Variants in SEMA6D observed in about 807,000 individuals in gnomAD.
SEMA6D encodes the protein semaphorin-6D.
Under a neutral mutation model 106.6 loss-of-function variants are expected in SEMA6D, and 35 were observed. That is an observed-to-expected ratio of 0.33 (90% CI 0.25 to 0.44). The LOEUF (loss-of-function observed/expected upper bound fraction) is 0.44, where lower values mean the gene tolerates loss of function less well. SEMA6D is among the 20% of genes least tolerant of loss of function. SEMA6D has a pLI of 1.00. For synonymous variants in SEMA6D, 499 were observed against 487.7 expected, an observed-to-expected ratio of 1.02 and a Z score of -0.31; for missense variants, 1,185 against 1,345.9, an observed-to-expected ratio of 0.88 and a Z score of 1.87.
At chr15:47,282,407 GAATA>G (rs2035167610) in intron 1 of SEMA6D, among the ~76,000 whole-genome samples, 1 of 152,244 alleles carries the variant, frequency 6.6e-6, no homozygotes, top group East Asian at 1.9e-4. Context: ...ACAGCAGGGA[GAATA>G]AATACTCACA....
At chr15:47,642,923 A>G (rs568251766) in intron 4 of SEMA6D, among the ~76,000 whole-genome samples, 148 of 152,068 alleles carry the variant, frequency 9.7e-4, no homozygotes, top group Non-Finnish European at 1.6e-3. Context: ...GCGGGAAGGG[A>G]TAGGGATTGC....
At chr15:47,669,572 A>G (rs1319109422) in intron 4 of SEMA6D, among the ~76,000 whole-genome samples, 3 of 152,108 alleles carry the variant, frequency 2.0e-5, no homozygotes, top group Non-Finnish European at 2.9e-5. Flanking sequence ...CTCCATGGCT[A>G]CTATTCAAAA....
intron 3 of SEMA6D, among the ~76,000 whole-genome samples, chr15:47,493,149 A>G (rs2043526190): frequency 6.6e-6 from 1 of 152,188 alleles, no homozygotes; most frequent in Admixed American, 6.5e-5. Context: ...AAAGGTCCCC[A>G]TAGGAGGTTC....
intron 1 of SEMA6D, among the ~76,000 whole-genome samples, chr15:47,254,339 A>G (rs1043219680): frequency 2.0e-5 from 3 of 147,206 alleles, no homozygotes; most frequent in African/African-American, 7.4e-5. Context: ...GTGTATATAT[A>G]TATATATATA....
intron 4 of SEMA6D, among the ~76,000 whole-genome samples, chr15:47,649,801 T>C (rs180690945): frequency 1.3e-5 from 2 of 150,378 alleles, no homozygotes; most frequent in African/African-American, 5.0e-5. Flanking sequence ...TTCAAAGATA[T>C]TGCTATACAA....
chr15:47,521,996 A>AG (rs2044598217), intron 3 of SEMA6D, among the ~76,000 whole-genome samples: 1 of 151,938 alleles, frequency 6.6e-6, no homozygotes, highest in African/African-American at 2.4e-5. Context: ...AAAAAAAAAA[A>AG]AAAAGAAAGA....
intron 1 of SEMA6D, among the ~76,000 whole-genome samples, chr15:47,363,356 C>A (rs1338100602): frequency 2.6e-5 from 4 of 152,082 alleles, no homozygotes; most frequent in Non-Finnish European, 4.4e-5. Flanking sequence ...CAAAGCAGAC[C>A]TTAGGTGTGG....
intron 3 of SEMA6D, among the ~76,000 whole-genome samples, chr15:47,474,977 A>C (rs1054284618): frequency 6.6e-6 from 1 of 152,184 alleles, no homozygotes; most frequent in Non-Finnish European, 1.5e-5. Flanking sequence ...GTCTCCTTCA[A>C]CTTGGATCCT....
At chr15:47,327,984 G>T (rs1390923082) in intron 1 of SEMA6D, among the ~76,000 whole-genome samples, 1 of 152,094 alleles carries the variant, frequency 6.6e-6, no homozygotes, top group Non-Finnish European at 1.5e-5. Flanking sequence ...TACGGAAAAT[G>T]AGGCTAACAT....
At chr15:47,625,743 C>T (rs886324654) in intron 4 of SEMA6D, among the ~76,000 whole-genome samples, 3 of 151,258 alleles carry the variant, frequency 2.0e-5, no homozygotes, top group African/African-American at 7.3e-5. Flanking sequence ...AGAAAATATG[C>T]ACAACAAATA....
intron 4 of SEMA6D, among the ~76,000 whole-genome samples, chr15:47,699,295 A>G (rs1049785654): frequency 3.3e-5 from 5 of 152,206 alleles, no homozygotes; most frequent in African/African-American, 1.2e-4. Flanking sequence ...ACTGTGTGCC[A>G]AGCACTGTGC....
At chr15:47,666,778 A>G (rs2078034389) in intron 4 of SEMA6D, among the ~76,000 whole-genome samples, 1 of 152,180 alleles carries the variant, frequency 6.6e-6, no homozygotes. Context: ...TGAACAGCAA[A>G]TGAAGCTACT....
chr15:47,726,116 C>T (rs2146490672), intron 1 of SEMA6D, among the ~76,000 whole-genome samples: 1 of 152,342 alleles, frequency 6.6e-6, no homozygotes, highest in South Asian at 2.1e-4. Context: ...AGCTGCCTCC[C>T]CCTGCGCAGA....
intron 2 of SEMA6D, among the ~76,000 whole-genome samples, chr15:47,437,895 T>A (rs892739024): frequency 2.6e-5 from 4 of 152,122 alleles, no homozygotes; most frequent in Non-Finnish European, 2.9e-5. Flanking sequence ...TTTTCTTTCT[T>A]ATTTGGTACC....
At chr15:47,348,249 C>G (rs929011736) in intron 1 of SEMA6D, among the ~76,000 whole-genome samples, 1 of 152,116 alleles carries the variant, frequency 6.6e-6, no homozygotes, top group Non-Finnish European at 1.5e-5. Context: ...TTAAATAGAG[C>G]TAATGTCAGT....
chr15:47,445,933 G>A (rs1337181526), intron 2 of SEMA6D, among the ~76,000 whole-genome samples: 1 of 152,108 alleles, frequency 6.6e-6, no homozygotes, highest in Non-Finnish European at 1.5e-5. Context: ...ACACAGATTG[G>A]GGGATGGGGC....
rs2079184886 is a variant in SEMA6D, at chr15:47,717,892, GTTGAT to G, written c.-55+203_-55+207del. On this transcript the variant is annotated intron_variant, in intron 1 of 18. Coordinates refer to ENST00000536845, the MANE Select transcript of SEMA6D (RefSeq NM_001358351.3). ...TGTGTGTGTGTGTTGCCACTGGACA[GTTGAT>G]TTATTTTCCAAGCTGCTCTCTCTGC... 2.1e-5 allele frequency among the ~76,000 whole-genome samples: 3 copies of G among 141,726 alleles called. No individual in the cohort carries two copies. In the Admixed American group the frequency reaches 2.2e-4, roughly 10 times the overall value. The allele number at this position is 141,726 out of a possible 152,430, so 93.0% of individuals were successfully genotyped here. A position where few individuals can be genotyped will look rare whatever the true frequency, so the allele number is the denominator to read the frequency against.
At position 47,719,061 on chromosome 15, in the gene SEMA6D, A is replaced by G. The variant is rs117076870; in HGVS notation, c.-55+1369A>G. On this transcript the variant is annotated intron_variant, in intron 1 of 18. Transcript: ENST00000536845. ...AGTGTGCACGAGAATTGGGTTTGAA[A>G]AATTTGTGCTCCATCCACTCTTGGG... Among the ~76,000 whole-genome samples, 909 of 152,128 alleles carry G rather than the reference A, an allele frequency of 6.0e-3. 9 individuals carry two copies. The Middle Eastern group carries it at 0.068, about 11-fold the overall frequency.
intron 1 of SEMA6D, among the ~76,000 whole-genome samples, chr15:47,213,956 C>T (rs561638851): frequency 6.6e-6 from 1 of 152,106 alleles, no homozygotes; most frequent in South Asian, 2.1e-4. Flanking sequence ...TTTTGGTATG[C>T]TCACTTGAAT....
Sources: allele counts gnomAD v4.1 joint callset (sites outside exome capture counted in the v4.1 genomes callset), GRCh38; gene constraint gnomAD v4.1.1; transcripts MANE v1.5; gene names NCBI Gene and HGNC (gene_info 2026-07-23, HGNC 2026-07-21).